Variants in VPS13A observed in about 807,000 individuals in gnomAD.
VPS13A encodes vacuolar protein sorting 13 homolog A.
VPS13A carries 264 observed loss-of-function variants against 390.9 expected under a neutral mutation model. The ratio of observed to expected loss-of-function variants is 0.68; its 90% CI spans 0.61 to 0.75. VPS13A has a LOEUF of 0.75. Among genes scored for constraint, VPS13A ranks in the 30% least tolerant of loss-of-function variants. VPS13A has a pLI of 0.00. For synonymous variants in VPS13A, 1,231 were observed against 1,227.1 expected (o/e 1.00, Z -0.07); for missense variants, 3,409 against 3,733.9 (o/e 0.91, Z 2.27).
In VPS13A at chr9:77,281,901, A is replaced by G. The variant is rs769431685; in HGVS notation, c.2939A>G (p.Tyr980Cys). ...AATGTACCCGACTTGAAAAGTACCTATAACAATGTTTTACAATTGATTAAG... is the reference window on the plus strand; with the variant it reads ...AATGTACCCGACTTGAAAAGTACCTGTAACAATGTTTTACAATTGATTAAG... ...EKNVPDLKST[Y>C]NNVLQLIKVN... The change falls in exon 28 of 72, where the codon TAT (tyrosine) becomes TGT (cysteine). Residue 980 changes from tyrosine to cysteine, a missense_variant. Around this residue, in one of 5 missense-constraint regions of VPS13A, gnomAD observed 2,717 missense variants for 2,917.4 expected, o/e 0.93. Transcript: ENST00000360280. 3.1e-6 allele frequency: 5 copies of G among 1,602,408 alleles called. No individual in the cohort carries two copies. The highest frequency in any genetic ancestry group is 2.6e-6 in the Non-Finnish European group (3 of 1,170,626).
intron 19 of VPS13A, among the ~76,000 whole-genome samples, chr9:77,246,027 C>T (rs1281363615): frequency 6.6e-6 from 1 of 152,114 alleles, no homozygotes; most frequent in Non-Finnish European, 1.5e-5. Context: ...AGAACTCACT[C>T]ATTACCATGA....
intron 22 of VPS13A, among the ~76,000 whole-genome samples, chr9:77,258,669 A>G (rs781087386): frequency 8.5e-5 from 13 of 152,076 alleles, no homozygotes; most frequent in Non-Finnish European, 1.8e-4. Flanking sequence ...TTAAAGAGAA[A>G]AGGCTTAATT....
intron 12 of VPS13A, 79 bp from the exon 13 acceptor site, chr9:77,221,103 ATGT>A (rs1823183719): frequency 7.7e-7 from 1 of 1,291,304 alleles, no homozygotes; most frequent in Non-Finnish European, 1.1e-6. Flanking sequence ...ATAGTTATGT[ATGT>A]TGTTAGAGTA....
intron 17 of VPS13A, among the ~76,000 whole-genome samples, chr9:77,231,716 ATTGATACTG>A (rs1351169797): frequency 6.6e-6 from 1 of 152,010 alleles, no homozygotes; most frequent in Admixed American, 6.6e-5. Flanking sequence ...ATTTCACTTC[ATTGATACTG>A]TCCTTTGGTG....
chr9:77,310,665 T>C (rs1392361703), intron 35 of VPS13A, among the ~76,000 whole-genome samples: 1 of 152,150 alleles, frequency 6.6e-6, no homozygotes, highest in Admixed American at 6.5e-5. Flanking sequence ...ATACTTCTTA[T>C]GTAAATAAAA....
rs539870803 is a variant in VPS13A, at chr9:77,405,854, C to A, written c.9276-10C>A. On this transcript the variant is annotated splice_polypyrimidine_tract_variant and intron_variant, in intron 69 of 71. Coordinates refer to ENST00000360280, the MANE Select transcript of VPS13A (RefSeq NM_033305.3). ...TAAAGCGAATTCTTTTTTTGTTTTT[C>A]TTTTTGCAGTGGTGTATTGTTTGTA... 5 of 1,611,906 alleles carry A rather than the reference C, an allele frequency of 3.1e-6. No homozygotes were observed. The highest frequency in any genetic ancestry group is 4.2e-6 in the Non-Finnish European group (5 of 1,179,514).
At chr9:77,335,248 CA>C (rs1830477050) in intron 46 of VPS13A, among the ~76,000 whole-genome samples, 1 of 152,020 alleles carries the variant, frequency 6.6e-6, no homozygotes, top group African/African-American at 2.4e-5. Context: ...GAAATGTAAA[CA>C]ATGTAATATT....
chr9:77,267,061 T>C (rs1298572749), intron 23 of VPS13A, among the ~76,000 whole-genome samples: 2 of 152,098 alleles, frequency 1.3e-5, no homozygotes, highest in African/African-American at 4.8e-5. Context: ...TAGCATTTCC[T>C]CTAACCTTTT....
intron 5 of VPS13A, among the ~76,000 whole-genome samples, chr9:77,207,243 ATATATATAT>A (rs1564630405): frequency 1.9e-4 from 20 of 103,220 alleles, no homozygotes; most frequent in Admixed American, 3.3e-4. Context: ...ATATATATAT[ATATATATAT>A]AAAACGTGTT....
chr9:77,298,079 C>T (rs1263771453), intron 33 of VPS13A, among the ~76,000 whole-genome samples: 2 of 152,116 alleles, frequency 1.3e-5, no homozygotes, highest in Non-Finnish European at 2.9e-5. Flanking sequence ...GATGATGATA[C>T]ACTTCACTGA....
chr9:77,250,029 A>G (rs1054227382), intron 20 of VPS13A, 68 bp from the exon 21 acceptor site: 3 of 1,552,352 alleles, frequency 1.9e-6, no homozygotes, highest in Non-Finnish European at 1.8e-6. Context: ...TAAGTCTAAA[A>G]ATTAAACACT....
chr9:77,298,064 C>T (rs749336860), intron 33 of VPS13A, among the ~76,000 whole-genome samples: 9 of 152,032 alleles, frequency 5.9e-5, no homozygotes, highest in East Asian at 1.9e-4. Context: ...TGGAAATCAG[C>T]GTTTGATGAT....
chr9:77,413,325 A>G (rs1168806242), intron 71 of VPS13A, among the ~76,000 whole-genome samples: 4 of 152,216 alleles, frequency 2.6e-5, no homozygotes, highest in Admixed American at 6.5e-5. Flanking sequence ...GCATCACGCT[A>G]CCTGACTTCA....
chr9:77,363,155 C>T (rs967176278), intron 59 of VPS13A, among the ~76,000 whole-genome samples: 6 of 152,030 alleles, frequency 3.9e-5, no homozygotes, highest in Non-Finnish European at 5.9e-5. Context: ...ACAGAAGTGC[C>T]AAGAGCAGAC....
intron 70 of VPS13A, 136 bp downstream of exon 70, chr9:77,406,123 T>TATC: frequency 8.9e-7 from 1 of 1,121,184 alleles, no homozygotes; most frequent in Non-Finnish European, 1.3e-6. Flanking sequence ...TTATACCTGC[T>TATC]ATCTTACCCA....
intron 71 of VPS13A, among the ~76,000 whole-genome samples, chr9:77,415,711 T>C (rs1450609145): frequency 1.3e-5 from 2 of 152,200 alleles, no homozygotes; most frequent in African/African-American, 2.4e-5. Flanking sequence ...CACTTAATTC[T>C]GAAGATGAAC....
At chr9:77,377,073 A>G (rs1371900965) in intron 67 of VPS13A, among the ~76,000 whole-genome samples, 1 of 152,126 alleles carries the variant, frequency 6.6e-6, no homozygotes, top group Non-Finnish European at 1.5e-5. Context: ...TTATCTTTTA[A>G]CCTGTGAAAA....
At chr9:77,354,931 A>G (rs191785288) in intron 54 of VPS13A, among the ~76,000 whole-genome samples, 44 of 152,258 alleles carry the variant, frequency 2.9e-4, no homozygotes, top group Admixed American at 8.5e-4. Flanking sequence ...TTTGCACTGT[A>G]CTTCATTTCC....
At chr9:77,295,471 TAAATATCA>T (rs1204393167) in intron 32 of VPS13A, 63 bp from the exon 33 acceptor site, 1 of 1,312,568 alleles carries the variant, frequency 7.6e-7, no homozygotes, top group Non-Finnish European at 1.0e-6. Flanking sequence ...GGTAAAACCA[TAAATATCA>T]ATATATATTT....
Sources: allele counts gnomAD v4.1 joint callset (sites outside exome capture counted in the v4.1 genomes callset), GRCh38; gene constraint gnomAD v4.1.1; regional missense constraint gnomAD v4.1.1; transcripts MANE v1.5; gene names NCBI Gene and HGNC (gene_info 2026-07-23, HGNC 2026-07-21).